Variants in TENM1 observed in about 807,000 individuals in gnomAD.
TENM1 encodes teneurin transmembrane protein 1, also known as teneurin-1.
A neutral mutation model predicts 174.8 loss-of-function variants in TENM1; 35 were observed. The observed-to-expected ratio is 0.20, with a 90% CI of 0.15 to 0.27. TENM1 has a LOEUF of 0.27. TENM1 is among the 10% of genes least tolerant of loss of function. The pLI is 1.00. For missense variants in TENM1, 1,633 were observed against 2,130.1 expected, an observed-to-expected ratio of 0.77 and a Z score of 4.59; for synonymous variants, 781 against 798.7, an observed-to-expected ratio of 0.98 and a Z score of 0.37.
At chrX:125,109,628 G>GGA in the TENM1 span, among the ~76,000 whole-genome samples, 1 of 111,068 alleles carries the variant, frequency 9.0e-6, no homozygotes, top group Non-Finnish European at 1.9e-5. Flanking sequence ...TGGGACAGAG[G>GGA]GAGAGAGAGA....
chrX:124,999,771 G>GAAAA, the TENM1 span, among the ~76,000 whole-genome samples: 131 of 110,760 alleles, frequency 1.2e-3, no homozygotes, highest in African/African-American at 4.1e-3. Context: ...GGCAATTTAA[G>GAAAA]GAAAGAAAAG....
chrX:124,794,664 A>G (rs1440646131), intron 3 of TENM1, among the ~76,000 whole-genome samples: 1 of 111,154 alleles, frequency 9.0e-6, no homozygotes, highest in Non-Finnish European at 1.9e-5. Flanking sequence ...CTTTAAAAAA[A>G]CAAAACTGAA....
At chrX:125,128,206 AC>A in the TENM1 span, among the ~76,000 whole-genome samples, 2 of 111,519 alleles carry the variant, frequency 1.8e-5, no homozygotes, top group Middle Eastern at 4.6e-3. Flanking sequence ...AGATGGTCAA[AC>A]ATTTCAAACA....
intron 3 of TENM1, among the ~76,000 whole-genome samples, chrX:124,853,278 C>T (rs1261412528): frequency 9.0e-6 from 1 of 111,237 alleles, no homozygotes; most frequent in Non-Finnish European, 1.9e-5. Flanking sequence ...CATGGAAGGC[C>T]TCACAGAGTA....
chrX:124,876,547 C>T (rs1207888428), intron 3 of TENM1, among the ~76,000 whole-genome samples: 1 of 110,506 alleles, frequency 9.0e-6, no homozygotes, highest in Admixed American at 9.6e-5. Context: ...TTTTTTGCTT[C>T]CAAAAAAATC....
chrX:124,446,777 T>G (rs2060969411), intron 23 of TENM1, among the ~76,000 whole-genome samples: 2 of 112,711 alleles, frequency 1.8e-5, no homozygotes. Context: ...GTTGGTCCAT[T>G]TTCCTGGCTC....
chrX:125,014,632 T>C, the TENM1 span, among the ~76,000 whole-genome samples: 12 of 111,799 alleles, frequency 1.1e-4, no homozygotes, highest in Non-Finnish European at 2.3e-4. Flanking sequence ...ATTTAAGTAA[T>C]TGAAAAATTA....
At chrX:124,747,725 G>A (rs1026274654) in intron 3 of TENM1, among the ~76,000 whole-genome samples, 3 of 109,859 alleles carry the variant, frequency 2.7e-5, no homozygotes, top group Non-Finnish European at 5.7e-5. Context: ...GTTTCTCAGA[G>A]AGACTTCTTG....
At chrX:125,172,554 A>G in the TENM1 span, among the ~76,000 whole-genome samples, 1 of 111,479 alleles carries the variant, frequency 9.0e-6, no homozygotes, top group Non-Finnish European at 1.9e-5. Flanking sequence ...TATTGTCTAG[A>G]CCAATTTTTT....
intron 3 of TENM1, among the ~76,000 whole-genome samples, chrX:124,886,907 T>C (rs2057401105): frequency 1.8e-5 from 2 of 109,311 alleles, no homozygotes; most frequent in African/African-American, 6.6e-5. Context: ...ATAGAACAAA[T>C]AATAGCAAGA....
intron 11 of TENM1, among the ~76,000 whole-genome samples, chrX:124,590,820 T>G (rs1047723499): frequency 3.6e-5 from 4 of 112,094 alleles, no homozygotes; most frequent in Non-Finnish European, 7.5e-5. Context: ...TGTTTAATGT[T>G]GTCAGTGGGG....
At chrX:124,854,231 AT>A (rs1308649870) in intron 3 of TENM1, among the ~76,000 whole-genome samples, 1 of 111,789 alleles carries the variant, frequency 8.9e-6, no homozygotes, top group African/African-American at 3.2e-5. Context: ...GGAGACCATT[AT>A]TCTAAGTGAA....
At chrX:125,006,980 A>T in the TENM1 span, among the ~76,000 whole-genome samples, 1 of 111,695 alleles carries the variant, frequency 9.0e-6, no homozygotes, top group African/African-American at 3.3e-5. Context: ...CCTCCAAATG[A>T]TTGCAACACC....
chrX:125,174,063 C>A, the TENM1 span, among the ~76,000 whole-genome samples: 1 of 110,944 alleles, frequency 9.0e-6, no homozygotes, highest in African/African-American at 3.3e-5. Flanking sequence ...AGGTTTTAAG[C>A]CTCAAGGGTA....
At chrX:124,395,196 T>C (rs1479321001) in intron 27 of TENM1, among the ~76,000 whole-genome samples, 1 of 111,434 alleles carries the variant, frequency 9.0e-6, no homozygotes, top group African/African-American at 3.3e-5. Flanking sequence ...AGTGGGAAAA[T>C]GATATGCTGC....
At chrX:124,692,556 A>G (rs1407569815) in intron 5 of TENM1, among the ~76,000 whole-genome samples, 1 of 109,253 alleles carries the variant, frequency 9.2e-6, no homozygotes, top group African/African-American at 3.3e-5. Context: ...ACATGTCTTG[A>G]ACTGAAAGTG....
chrX:125,031,327 A>C, the TENM1 span, among the ~76,000 whole-genome samples: 1 of 111,059 alleles, frequency 9.0e-6, no homozygotes, highest in African/African-American at 3.3e-5. Flanking sequence ...TAAATTAAGG[A>C]GTTGTTGCCA....
rs779915825 is a variant in TENM1, at chrX:124,621,026, T to G, written c.2077+20765A>C. ...AGAATAAAACAGAATTATAGGCACC[T>G]TCACCGTCAGAGACTGGGTTCAATC... On this transcript the variant is annotated intron_variant, in intron 11 of 31. Coordinates refer to ENST00000422452, the Ensembl canonical transcript of TENM1. 1.3e-3 allele frequency among the ~76,000 whole-genome samples: 145 copies of G among 112,055 alleles called. 1 individual carries two copies. The highest frequency in any genetic ancestry group is 4.6e-3 in the African/African-American group (141 of 30,842).
intron 5 of TENM1, among the ~76,000 whole-genome samples, chrX:124,691,476 T>G (rs767812240): frequency 1.1e-3 from 124 of 112,205 alleles, no homozygotes; most frequent in African/African-American, 3.7e-3. Context: ...TTCAAAAGCT[T>G]GCAGCACAGT....
Sources: allele counts gnomAD v4.1 joint callset (sites outside exome capture counted in the v4.1 genomes callset), GRCh38; gene constraint gnomAD v4.1.1; transcripts MANE v1.5; gene names NCBI Gene and HGNC (gene_info 2026-07-23, HGNC 2026-07-21).